Variants in WDR33 observed in about 807,000 individuals in gnomAD.
WDR33 encodes pre-mRNA 3' end processing protein WDR33.
In WDR33, 47 loss-of-function variants were observed where a neutral mutation model predicts 164.9. The observed-to-expected ratio is 0.29, with a 90% confidence interval of 0.23 to 0.36. WDR33 has a LOEUF of 0.36. WDR33 is among the 10% of genes least tolerant of loss of function. WDR33 has a pLI of 1.00. For missense variants in WDR33, 1,137 were observed against 1,754.1 expected (o/e 0.65, Z 6.28); for synonymous variants, 505 against 589.0 (o/e 0.86, Z 2.06).
Position 127,735,829 on chromosome 2 carries a change from G to C in WDR33, c.725-9052C>G, listed in dbSNP as rs559837661. 1.0e-6 allele frequency: 1 copy of C among 985,428 alleles called. No individual in the cohort carries two copies. Among genetic ancestry groups the C allele is most frequent in the Non-Finnish European group, 1.2e-6 (1 of 829,936 alleles). The allele number at this position is 985,428 out of a possible 1,614,324, so 61.0% of individuals were successfully genotyped here. On this transcript the variant is annotated intron_variant, in intron 7 of 21. Coordinates refer to ENST00000322313, the MANE Select transcript of WDR33 (RefSeq NM_018383.5). The surrounding 1 kb of genome is among the most constrained non-coding windows in gnomAD (Gnocchi z 4.3). ...ATTTTACCTTCCTTTAATGCAAAATGATTTCACCACAACCCAACAGTCAAC... is the reference window on the plus strand; with the variant it reads ...ATTTTACCTTCCTTTAATGCAAAATCATTTCACCACAACCCAACAGTCAAC...
chr2:127,722,455 A>G lies in WDR33; in HGVS notation c.1518+136T>C. 1.6e-6 allele frequency: 2 copies of G among 1,224,228 alleles called. No homozygotes were observed. The highest frequency in any genetic ancestry group is 2.3e-6 in the Non-Finnish European group (2 of 879,868). 75.8% of individuals were successfully genotyped at this position (1,224,228 alleles called of 1,614,324 possible). On this transcript the variant is annotated intron_variant, in intron 14 of 21. Transcript: ENST00000322313. The surrounding 1 kb of genome is among the most constrained non-coding windows in gnomAD (Gnocchi z 5.1). The stretch of plus-strand genomic sequence containing the variant: ...AACTGCAAAGCAGTAGATGAGAACC[A>G]TGTCTAAGAGTACGTGAACATGGGA...
intron 1 of WDR33, among the ~76,000 whole-genome samples, chr2:127,787,490 A>ACC (rs1299721860): frequency 0.032 from 3,484 of 108,044 alleles, 122 homozygotes; most frequent in Non-Finnish European, 0.047. Context: ...CGGGGGGCTG[A>ACC]CCCCCCCCAC....
rs544149858 is a variant in WDR33, at chr2:127,705,519, T to A, written c.*804A>T. Reference sequence around the variant, plus strand: ...AAGTTATCTAAAGGGCATGTGACTTTATTTCTGACTAACATCAAGTTCCTC... The same window carrying A: ...AAGTTATCTAAAGGGCATGTGACTTAATTTCTGACTAACATCAAGTTCCTC... On this transcript the variant is annotated 3_prime_UTR_variant, in exon 22 of 22. Coordinates refer to ENST00000322313, the MANE Select transcript of WDR33 (RefSeq NM_018383.5). This position sits in a 1 kb window ranked among gnomAD's most constrained non-coding sequence, Gnocchi z 4.5. 2 of 152,336 alleles carry A rather than the reference T, an allele frequency of 1.3e-5. No individual in the cohort carries two copies. The highest frequency in any genetic ancestry group is 2.1e-4 in the South Asian group (1 of 4,826). 9.4% of individuals were successfully genotyped at this position (152,336 alleles called of 1,614,324 possible).
At chr2:127,737,959 G>A (rs777313154) in intron 7 of WDR33, 1 of 1,603,810 alleles carries the variant, frequency 6.2e-7, no homozygotes, top group African/African-American at 1.3e-5. Flanking sequence ...TATATTCACA[G>A]AAGTTGGTAA....
In WDR33 at chr2:127,708,629, C is replaced by T. The variant is rs558926400; in HGVS notation, c.3781+48G>A. ...GTGCAGCAGATACAGGCAAGGCCTC[C>T]ATCGGCCCCTGCATCTCCTGGAACC... On this transcript the variant is annotated intron_variant, in intron 21 of 21. Transcript: ENST00000322313. This position sits in a 1 kb window ranked among gnomAD's most constrained non-coding sequence, Gnocchi z 6.7. 35 of 1,517,108 alleles carry T rather than the reference C, an allele frequency of 2.3e-5. No homozygotes were observed. The East Asian group carries it at 7.8e-4, about 34-fold the overall frequency. 94.0% of individuals were successfully genotyped at this position (1,517,108 alleles called of 1,614,324 possible).
chr2:127,808,319 G>A (rs533694500), intron 1 of WDR33, among the ~76,000 whole-genome samples: 1 of 152,326 alleles, frequency 6.6e-6, no homozygotes, highest in South Asian at 2.1e-4. Context: ...AAAAAAGGTA[G>A]TTAATGGTGA....
In WDR33 at chr2:127,702,047, G is replaced by C. The variant is rs1428171622; in HGVS notation, c.*4276C>G. 12 of 1,230,048 alleles carry C rather than the reference G, an allele frequency of 9.8e-6. No individual in the cohort carries two copies. The African/African-American group carries it at 1.3e-4, about 13-fold the overall frequency. 76.2% of individuals were successfully genotyped at this position (1,230,048 alleles called of 1,614,324 possible). A position where few individuals can be genotyped will look rare whatever the true frequency, so the allele number is the denominator to read the frequency against. On this transcript the variant is annotated 3_prime_UTR_variant, in exon 22 of 22. Coordinates refer to ENST00000322313, the MANE Select transcript of WDR33 (RefSeq NM_018383.5). ...GCACGCTGCTCACGGTGCTGGGCGC[G>C]GGCGCGCAGGTGGCCGCGCTGCTGG...
chr2:127,782,141 T>C (rs1049203381), intron 1 of WDR33, among the ~76,000 whole-genome samples: 4 of 152,186 alleles, frequency 2.6e-5, no homozygotes, highest in Admixed American at 2.0e-4. Context: ...GCGCAGTGGC[T>C]CATGCCTGTC....
intron 7 of WDR33, among the ~76,000 whole-genome samples, chr2:127,731,533 A>G (rs577977936): frequency 7.2e-5 from 11 of 152,192 alleles, no homozygotes; most frequent in Non-Finnish European, 1.2e-4. Context: ...GCACACCAAG[A>G]TTTATGTACA....
intron 7 of WDR33, among the ~76,000 whole-genome samples, chr2:127,742,829 A>G (rs1266008478): frequency 6.6e-6 from 1 of 151,184 alleles, no homozygotes; most frequent in Non-Finnish European, 1.5e-5. Context: ...AGAAAGATGA[A>G]GTTTAAAATA....
chr2:127,771,872 G>A (rs1214374401), intron 1 of WDR33, among the ~76,000 whole-genome samples: 1 of 152,094 alleles, frequency 6.6e-6, no homozygotes, highest in East Asian at 1.9e-4. Flanking sequence ...ATTCAGCCTC[G>A]TGAAGAAAAA....
chr2:127,754,583 A>ATTTT (rs764744041), intron 7 of WDR33, among the ~76,000 whole-genome samples: 13 of 118,958 alleles, frequency 1.1e-4, no homozygotes, highest in Non-Finnish European at 1.6e-4. Context: ...CATGTTTTTC[A>ATTTT]TTTTTTTTTT....
intron 1 of WDR33, chr2:127,799,112 T>C (rs1418952198): frequency 6.6e-6 from 1 of 152,120 alleles, no homozygotes. Context: ...CATTCTCAAA[T>C]GAGAAAAATC....
intron 1 of WDR33, among the ~76,000 whole-genome samples, chr2:127,778,319 C>T (rs963619500): frequency 4.0e-5 from 6 of 151,890 alleles, no homozygotes; most frequent in Non-Finnish European, 5.9e-5. Flanking sequence ...CGCCTGTAAT[C>T]CCAGCTACTC....
chr2:127,807,697 T>C (rs1416729427), intron 1 of WDR33, among the ~76,000 whole-genome samples: 1 of 152,152 alleles, frequency 6.6e-6, no homozygotes, highest in Non-Finnish European at 1.5e-5. Flanking sequence ...CAGCCAAAGA[T>C]CAGAAATAAA....
At chr2:127,731,837 G>A (rs538083752) in intron 7 of WDR33, among the ~76,000 whole-genome samples, 13 of 152,284 alleles carry the variant, frequency 8.5e-5, no homozygotes, top group South Asian at 4.1e-4. Flanking sequence ...TGTAATGCCA[G>A]TACTTTGGGA....
chr2:127,781,999 TAAAAA>T (rs764718254), intron 1 of WDR33, among the ~76,000 whole-genome samples: 3 of 90,196 alleles, frequency 3.3e-5, no homozygotes, highest in Non-Finnish European at 6.7e-5. Flanking sequence ...ACTCTTTTTC[TAAAAA>T]AAAAAAAAAA....
intron 7 of WDR33, among the ~76,000 whole-genome samples, chr2:127,745,340 C>G (rs2105407429): frequency 6.6e-6 from 1 of 152,286 alleles, no homozygotes; most frequent in East Asian, 1.9e-4. Flanking sequence ...TCTTTGGGAC[C>G]AGTGTGATGT....
chr2:127,744,934 A>T (rs140052980), intron 7 of WDR33, among the ~76,000 whole-genome samples: 1 of 152,184 alleles, frequency 6.6e-6, no homozygotes, highest in African/African-American at 2.4e-5. Context: ...TGATGAAAAA[A>T]ATGCATCTCA....
Sources: gnomAD v4.1 joint callset for allele counts (sites outside exome capture counted in the v4.1 genomes callset) on GRCh38, gnomAD v4.1.1 for gene constraint, Gnocchi (gnomAD v3.1) non-coding constraint, MANE v1.5 for transcripts, NCBI Gene and HGNC (gene_info 2026-07-23, HGNC 2026-07-21) for gene names.